The following C12orf42 variants were observed in gnomAD, a reference collection of about 807,000 sequenced individuals.
C12orf42 encodes the protein uncharacterized protein C12orf42.
In C12orf42, 25 loss-of-function variants were observed where a neutral mutation model predicts 21.6. The ratio of observed to expected loss-of-function variants is 1.16; its 90% confidence interval spans 0.84 to 1.62. The LOEUF is 1.62. Among genes scored for constraint, C12orf42 ranks in the 40% most tolerant of loss-of-function variants. C12orf42 has a pLI of 0.00. For synonymous variants in C12orf42, 174 were observed against 175.0 expected (o/e 0.99, Z 0.05); for missense variants, 483 against 459.3 (o/e 1.05, Z -0.47).
At chr12:103,051,716 C>A in the C12orf42 span, among the ~76,000 whole-genome samples, 2 of 152,094 alleles carry the variant, frequency 1.3e-5, no homozygotes, top group South Asian at 2.1e-4. Flanking sequence ...GCCCTTGAAC[C>A]CACTTGTTTC....
chr12:103,557,579 T>C, the C12orf42 span: 3 of 152,152 alleles, frequency 2.0e-5, no homozygotes, highest in Admixed American at 1.3e-4. Flanking sequence ...CCTCAAGCAG[T>C]GTTGGACTGG....
At chr12:103,125,734 T>A in the C12orf42 span, among the ~76,000 whole-genome samples, 22 of 152,288 alleles carry the variant, frequency 1.4e-4, no homozygotes, top group African/African-American at 5.1e-4. Context: ...TCCCAAGTGA[T>A]CATTTCTATC....
chr12:103,458,804 G>C (rs1165221574), intron 2 of C12orf42, among the ~76,000 whole-genome samples: 1 of 152,102 alleles, frequency 6.6e-6, no homozygotes, highest in African/African-American at 2.4e-5. Flanking sequence ...TCACCTAGTT[G>C]GGGAACTATA....
chr12:103,325,323 T>TTAG (rs537822680), intron 4 of C12orf42, among the ~76,000 whole-genome samples: 1 of 152,310 alleles, frequency 6.6e-6, no homozygotes, highest in South Asian at 2.1e-4. Flanking sequence ...CTTACAGACC[T>TTAG]TAGGCTCTGC....
At chr12:103,432,580 G>A (rs1322656801) in intron 2 of C12orf42, among the ~76,000 whole-genome samples, 2 of 152,192 alleles carry the variant, frequency 1.3e-5, no homozygotes, top group Admixed American at 1.3e-4. Context: ...AGTATGTAAT[G>A]CTCTTACTGT....
chr12:103,395,223 C>A (rs1191371885), intron 3 of C12orf42, among the ~76,000 whole-genome samples: 2 of 152,154 alleles, frequency 1.3e-5, no homozygotes, highest in South Asian at 2.1e-4. Flanking sequence ...TCTTCCTCTG[C>A]CACATTACAA....
rs2041070437 is a variant in C12orf42 at position 103,329,839 on chromosome 12, T to C, written c.260-23494A>G. Among the ~76,000 whole-genome samples the C allele has an allele frequency of 3.3e-5, 5 of 152,008 alleles. No homozygotes were observed. In the South Asian group the frequency reaches 1.0e-3, roughly 32 times the overall value. ...CTTTCTATTGCTACAAATAGACAAA[T>C]ATTAATAGAAAATTGTGATAAATAT... On this transcript the variant is annotated intron_variant, in intron 4 of 5. Coordinates refer to ENST00000548883, the MANE Select transcript of C12orf42 (RefSeq NM_198521.5).
At chr12:103,268,365 G>T (rs2136246150), downstream of C12orf42, 1 of 152,172 alleles carries the variant, frequency 6.6e-6, no homozygotes, top group South Asian at 2.1e-4. Context: ...ATTTGTGTTT[G>T]TTGCAAAACA....
chr12:103,077,491 A>G, the C12orf42 span, among the ~76,000 whole-genome samples: 1 of 152,202 alleles, frequency 6.6e-6, no homozygotes, highest in African/African-American at 2.4e-5. Flanking sequence ...CTTGCCCAAA[A>G]TCACCTAACA....
At chr12:103,387,829 T>C (rs2046740439) in intron 3 of C12orf42, among the ~76,000 whole-genome samples, 1 of 152,240 alleles carries the variant, frequency 6.6e-6, no homozygotes, top group East Asian at 1.9e-4. Flanking sequence ...GACTGCGCTC[T>C]GCCATCATAC....
chr12:103,142,591 T>C, the C12orf42 span, among the ~76,000 whole-genome samples: 5 of 151,992 alleles, frequency 3.3e-5, no homozygotes. Flanking sequence ...GAAAAGAGAG[T>C]GACAGCTTCA....
chr12:103,057,260 T>C, the C12orf42 span, among the ~76,000 whole-genome samples: 2 of 151,992 alleles, frequency 1.3e-5, no homozygotes, highest in Middle Eastern at 6.8e-3. Context: ...GCTATACGTG[T>C]GCCATGGTGG....
chr12:103,149,358 T>C, the C12orf42 span, among the ~76,000 whole-genome samples: 1 of 152,200 alleles, frequency 6.6e-6, no homozygotes, highest in Admixed American at 6.5e-5. Flanking sequence ...GGGTTACCAG[T>C]TTAGCAAGTA....
chr12:103,514,778 T>A, the C12orf42 span, among the ~76,000 whole-genome samples: 1 of 152,110 alleles, frequency 6.6e-6, no homozygotes, highest in African/African-American at 2.4e-5. Flanking sequence ...AAATCCAAAT[T>A]GGCAATTAGA....
intron 4 of C12orf42, among the ~76,000 whole-genome samples, chr12:103,290,021 T>C (rs1331973944): frequency 2.0e-5 from 3 of 152,144 alleles, no homozygotes; most frequent in Non-Finnish European, 4.4e-5. Context: ...TGCCTCCCCA[T>C]CTGGGTTAGT....
intron 4 of C12orf42, among the ~76,000 whole-genome samples, chr12:103,327,084 G>C (rs1008047283): frequency 6.6e-6 from 1 of 152,210 alleles, no homozygotes; most frequent in Non-Finnish European, 1.5e-5. Context: ...TCCTGGCAGG[G>C]AGGGGACGAG....
At chr12:103,524,537 G>C in the C12orf42 span, among the ~76,000 whole-genome samples, 5 of 152,252 alleles carry the variant, frequency 3.3e-5, no homozygotes, top group African/African-American at 9.6e-5. Context: ...AATATCACCA[G>C]GGAACAAACG....
At chr12:103,477,929 G>A (rs1006936285) in intron 2 of C12orf42, 5 of 183,448 alleles carry the variant, frequency 2.7e-5, no homozygotes, top group Non-Finnish European at 5.6e-5. Context: ...ACCATTACCA[G>A]AGCATTTGTA....
At position 103,384,744 on chromosome 12, in the gene C12orf42, T is replaced by C. The variant is rs77781782; in HGVS notation, c.148-15746A>G. 0.012 allele frequency among the ~76,000 whole-genome samples: 1,886 copies of C among 152,268 alleles called. 111 individuals carry two copies. In the East Asian group the frequency reaches 0.18, roughly 14 times the overall value. Reference sequence around the variant, plus strand: ...CCAGAGCTAGAACATGCACAGAACATAGCACACAATAGGTATTCAAAGATG... The same window carrying C: ...CCAGAGCTAGAACATGCACAGAACACAGCACACAATAGGTATTCAAAGATG... On this transcript the variant is annotated intron_variant, in intron 3 of 5. Transcript: ENST00000548883.
Sources: allele counts gnomAD v4.1 joint callset (sites outside exome capture counted in the v4.1 genomes callset), GRCh38; gene constraint gnomAD v4.1.1; transcripts MANE v1.5; gene names NCBI Gene and HGNC (gene_info 2026-07-23, HGNC 2026-07-21).